Variants in COG3 observed in about 807,000 individuals in gnomAD.
COG3 encodes conserved oligomeric Golgi complex subunit 3.
In COG3, 32 loss-of-function variants were observed where a neutral mutation model predicts 114.1. The ratio of observed to expected loss-of-function variants is 0.28; its 90% CI spans 0.21 to 0.38. The LOEUF is 0.38. Ranked by LOEUF, COG3 falls within the 10% of genes least tolerant of loss-of-function variation. The probability of loss-of-function intolerance (pLI) is 1.00; values close to 1 mark genes in which losing one functional copy is unlikely to be tolerated. For synonymous variants in COG3, 352 were observed against 365.7 expected (o/e 0.96, Z 0.43); for missense variants, 813 against 973.2 (o/e 0.84, Z 2.19).
Position 45,496,221 on chromosome 13 carries a change from A to T in COG3, c.1397A>T (p.Tyr466Phe). Residue 466 changes from tyrosine (Y) to phenylalanine (F), a missense_variant, in exon 13 of 23, where the codon TAC becomes TTC. Coordinates refer to ENST00000349995, the MANE Select transcript of COG3 (RefSeq NM_031431.4). The stretch of plus-strand genomic sequence containing the variant: ...GAAGATGTACAGGAGCGGCTCGTCT[A>T]CCGAACCCACATCTATATTCAGACG... ...MLEDVQERLV[Y>F]RTHIYIQTDI... The T allele has an allele frequency of 6.2e-7, 1 of 1,613,318 alleles. No individual in the cohort carries two copies. The highest frequency in any genetic ancestry group is 1.1e-5 in the South Asian group (1 of 91,046).
In COG3 at chr13:45,495,233, C is replaced by G. The variant is rs1165217789; in HGVS notation, c.1328-919C>G. 3.4e-5 allele frequency among the ~76,000 whole-genome samples: 5 copies of G among 146,226 alleles called. No individual in the cohort carries two copies. In the East Asian group the frequency reaches 1.0e-3, roughly 30 times the overall value. On this transcript the variant is annotated intron_variant, in intron 12 of 22. Coordinates refer to ENST00000349995, the MANE Select transcript of COG3 (RefSeq NM_031431.4). ...GAACTCCTGGACTCAAGTGATCATC[C>G]TATCTGCGCCTCCCAAAGTGCTGGG...
intron 17 of COG3, 81 bp from the exon 18 acceptor site, chr13:45,518,680 TG>T: frequency 9.8e-7 from 1 of 1,021,064 alleles, no homozygotes; most frequent in Non-Finnish European, 1.5e-6. Context: ...TGCCTTGTGG[TG>T]GTAGAGAACT....
At chr13:45,521,690 G>A (rs1292095517) in intron 19 of COG3, among the ~76,000 whole-genome samples, 1 of 152,020 alleles carries the variant, frequency 6.6e-6, no homozygotes, top group African/African-American at 2.4e-5. Flanking sequence ...ATTCTGAATA[G>A]CAGAGAAACA....
At chr13:45,505,827 T>C (rs993215631) in intron 14 of COG3, among the ~76,000 whole-genome samples, 1 of 152,100 alleles carries the variant, frequency 6.6e-6, no homozygotes, top group Non-Finnish European at 1.5e-5. Flanking sequence ...ACTCCTGGGC[T>C]CAAGCAGTCC....
rs528499379 is a variant in COG3 at position 45,489,820 on chromosome 13, T to C, written c.925-1095T>C. Among the ~76,000 whole-genome samples, 14 of 5,052 alleles carry C rather than the reference T, an allele frequency of 2.8e-3. No homozygotes were observed. The South Asian group carries it at 0.12, about 42-fold the overall frequency. The allele number at this position is 5,052 out of a possible 152,430, so 3.3% of individuals were successfully genotyped here. A position where few individuals can be genotyped will look rare whatever the true frequency, so the allele number is the denominator to read the frequency against. On this transcript the variant is annotated intron_variant, in intron 8 of 22. Transcript: ENST00000349995. The stretch of plus-strand genomic sequence containing the variant: ...TACTCCTAGCAAAAATTCCAATGGA[T>C]TTTTTTTTTTTTTTTGCATGATTCT...
At chr13:45,533,130 A>G (rs1403378652) in intron 22 of COG3, among the ~76,000 whole-genome samples, 1 of 151,946 alleles carries the variant, frequency 6.6e-6, no homozygotes, top group Non-Finnish European at 1.5e-5. Context: ...GAGTGAAATA[A>G]GAAGCAAGGT....
chr13:45,478,426 G>A (rs559985541), intron 2 of COG3, among the ~76,000 whole-genome samples: 2 of 151,120 alleles, frequency 1.3e-5, no homozygotes, highest in Non-Finnish European at 2.9e-5. Flanking sequence ...TGATCCGCTC[G>A]CCTCGGCCTC....
chr13:45,486,314 G>T, intron 7 of COG3, among the ~76,000 whole-genome samples, 181 bp from the exon 8 acceptor site: 1 of 52,320 alleles, frequency 1.9e-5, no homozygotes, highest in African/African-American at 8.9e-5. Flanking sequence ...CGGGAGACGG[G>T]AGACGGGAGA....
Position 45,535,224 on chromosome 13 carries a change from T to C in COG3, c.*493T>C, listed in dbSNP as rs1203806056. The C allele has an allele frequency of 1.0e-6, 1 of 985,684 alleles. No homozygotes were observed. Among genetic ancestry groups the C allele is most frequent in the Non-Finnish European group, 1.2e-6 (1 of 830,082 alleles). 61.1% of individuals were successfully genotyped at this position (985,684 alleles called of 1,614,324 possible). ...TAATGTAATGTTTCTCCTGTCATTT[T>C]TGAAGTTGAGTTTGGAGTAGATTGG... is the stretch of plus-strand genomic sequence containing the variant. On this transcript the variant is annotated 3_prime_UTR_variant, in exon 23 of 23. Coordinates refer to ENST00000349995, the MANE Select transcript of COG3 (RefSeq NM_031431.4).
intron 16 of COG3, among the ~76,000 whole-genome samples, chr13:45,515,677 ATATAAG>A (rs1871465338): frequency 6.6e-6 from 1 of 152,202 alleles, no homozygotes; most frequent in Non-Finnish European, 1.5e-5. Flanking sequence ...ATTTGTATAA[ATATAAG>A]TATGTCTGAT....
chr13:45,472,931 G>A (rs2137779081), intron 1 of COG3, among the ~76,000 whole-genome samples: 1 of 152,190 alleles, frequency 6.6e-6, no homozygotes, highest in Non-Finnish European at 1.5e-5. Flanking sequence ...GTGCAGTGGT[G>A]CAATCATAGC....
chr13:45,472,937 A>G (rs1003541176), intron 1 of COG3, among the ~76,000 whole-genome samples: 3 of 152,036 alleles, frequency 2.0e-5, no homozygotes, highest in African/African-American at 7.3e-5. Context: ...TGGTGCAATC[A>G]TAGCTCACTG....
intron 14 of COG3, 143 bp from the exon 15 acceptor site, chr13:45,509,549 A>G: frequency 7.2e-6 from 6 of 833,226 alleles, no homozygotes; most frequent in Non-Finnish European, 1.1e-5. Flanking sequence ...GGTATTCTTG[A>G]TGAAAACTGA....
intron 21 of COG3, among the ~76,000 whole-genome samples, chr13:45,530,401 G>A (rs2404216): frequency 0.86 from 131,365 of 152,158 alleles, 56,982 homozygotes; most frequent in African/African-American, 0.93. Flanking sequence ...TAGGAACTTT[G>A]TTATCTTTTG....
rs145342897 is a variant in COG3, at chr13:45,505,800, C to T, written c.1594+2451C>T. Among the ~76,000 whole-genome samples, 1,193 of 151,980 alleles carry T rather than the reference C, an allele frequency of 7.8e-3. 16 individuals carry two copies. The highest frequency in any genetic ancestry group is 0.027 in the African/African-American group (1,123 of 41,466). On this transcript the variant is annotated intron_variant, in intron 14 of 22. Transcript: ENST00000349995. ...ATAGACATGGAGTCTCGCTATGTTG[C>T]CCAGGATGGGTCTTGAACTCCTGGG...
chr13:45,490,782 G>A (rs1593700623), intron 8 of COG3, 133 bp from the exon 9 acceptor site: 6 of 451,858 alleles, frequency 1.3e-5, no homozygotes, highest in African/African-American at 2.0e-5. Flanking sequence ...TTTGGTATAA[G>A]TGATTTTTAT....
At position 45,535,936 on chromosome 13, in the gene COG3, C is replaced by T. The variant is rs1873522132; in HGVS notation, c.*1205C>T. The T allele has an allele frequency of 1.0e-6, 1 of 958,986 alleles. No homozygotes were observed. The highest frequency in any genetic ancestry group is 1.1e-4 in the East Asian group (1 of 8,700). The allele number at this position is 958,986 out of a possible 1,614,324, so 59.4% of individuals were successfully genotyped here. A position where few individuals can be genotyped will look rare whatever the true frequency, so the allele number is the denominator to read the frequency against. ...CTAGAGGTGGACATTGTCAGGGGTT[C>T]TGGAATGGGACCAGGGGACCTTTTG... On this transcript the variant is annotated 3_prime_UTR_variant, in exon 23 of 23. Coordinates refer to ENST00000349995, the MANE Select transcript of COG3 (RefSeq NM_031431.4).
intron 14 of COG3, among the ~76,000 whole-genome samples, chr13:45,507,546 C>T (rs1012666403): frequency 5.9e-5 from 9 of 152,068 alleles, no homozygotes; most frequent in Non-Finnish European, 1.0e-4. Flanking sequence ...GGGCAGATCA[C>T]CCACGGTCAG....
Position 45,496,291 on chromosome 13 carries a change from C to T in COG3, c.1467C>T (p.Pro489=), listed in dbSNP as rs766531695. The T allele has an allele frequency of 4.8e-5, 77 of 1,596,550 alleles. No individual in the cohort carries two copies. Among genetic ancestry groups the T allele is most frequent in the Admixed American group, 1.5e-4 (9 of 59,090 alleles). Residue 489 remains proline, a synonymous_variant, in exon 13 of 23, where the codon CCC becomes CCT. Transcript: ENST00000349995. ...CAGCTCCTGGAGATCTGGCATATCC[C>T]GATAAGTTAGTCATGATGGAGGTAG... ...YKPAPGDLAY[P]DKLVMMEQIA...
Sources: gnomAD v4.1 joint callset for allele counts (sites outside exome capture counted in the v4.1 genomes callset) on GRCh38, gnomAD v4.1.1 for gene constraint, MANE v1.5 for transcripts, NCBI Gene and HGNC (gene_info 2026-07-23, HGNC 2026-07-21) for gene names.